Variants in TMEM232 observed in about 807,000 individuals in gnomAD.
The protein encoded by TMEM232 is transmembrane protein 232.
TMEM232 carries 80 observed loss-of-function variants against 78.8 expected under a neutral mutation model. The ratio of observed to expected loss-of-function variants is 1.01; its 90% CI spans 0.85 to 1.22. The LOEUF (loss-of-function observed/expected upper bound fraction) is 1.22. TMEM232 is among the 50% of genes most tolerant of loss of function. TMEM232 has a pLI of 0.00. For synonymous variants in TMEM232, 297 were observed against 254.3 expected (o/e 1.17, Z -1.60); for missense variants, 881 against 742.2 (o/e 1.19, Z -2.17).
At chr5:110,543,967 T>C (rs1773474408) in intron 11 of TMEM232, among the ~76,000 whole-genome samples, 2 of 152,216 alleles carry the variant, frequency 1.3e-5, no homozygotes, top group Admixed American at 6.5e-5. Flanking sequence ...AATTTGTCTA[T>C]ACTTCTTGAG....
At chr5:110,437,234 A>C (rs311727) in intron 12 of TMEM232, among the ~76,000 whole-genome samples, 48,021 of 151,732 alleles carry the variant, frequency 0.32, 13,378 homozygotes, top group African/African-American at 0.74. Context: ...TTATTGATAT[A>C]TTTTTCAGAT....
At chr5:110,570,178 A>T (rs1776776100) in intron 10 of TMEM232, among the ~76,000 whole-genome samples, 1 of 151,954 alleles carries the variant, frequency 6.6e-6, no homozygotes, top group Non-Finnish European at 1.5e-5. Context: ...GCAGCCAATT[A>T]TTTTTGAAAC....
At chr5:110,550,000 C>A (rs540131608) in intron 11 of TMEM232, among the ~76,000 whole-genome samples, 13 of 152,048 alleles carry the variant, frequency 8.5e-5, no homozygotes, top group Non-Finnish European at 1.6e-4. Context: ...TCATACAAAA[C>A]CTTAACAATA....
chr5:110,659,698 A>G (rs371860074), intron 2 of TMEM232, among the ~76,000 whole-genome samples: 3 of 152,318 alleles, frequency 2.0e-5, no homozygotes, highest in Admixed American at 6.5e-5. Context: ...ATGCTTAAAA[A>G]GATCTGCAGG....
chr5:110,485,671 C>T (rs867529927), intron 12 of TMEM232, among the ~76,000 whole-genome samples: 2 of 152,212 alleles, frequency 1.3e-5, no homozygotes, highest in South Asian at 2.1e-4. Flanking sequence ...AGTATTCCAT[C>T]GTATATTATA....
intron 8 of TMEM232, among the ~76,000 whole-genome samples, chr5:110,616,932 T>C (rs184861843): frequency 1.3e-5 from 2 of 152,302 alleles, no homozygotes; most frequent in East Asian, 1.9e-4. Flanking sequence ...TCTATGTACA[T>C]ATCCCAAAAA....
chr5:110,580,468 A>G (rs1350840860), intron 10 of TMEM232, among the ~76,000 whole-genome samples: 1 of 151,656 alleles, frequency 6.6e-6, no homozygotes. Context: ...GTGTAAGTAT[A>G]CTCTATTATG....
chr5:110,608,087 A>G (rs1172846907), intron 8 of TMEM232, among the ~76,000 whole-genome samples: 3 of 152,080 alleles, frequency 2.0e-5, no homozygotes, highest in African/African-American at 7.2e-5. Context: ...GCTTATGAAC[A>G]TGAACTTTAG....
chr5:110,505,493 T>C (rs1208909294), intron 12 of TMEM232, among the ~76,000 whole-genome samples: 4 of 152,094 alleles, frequency 2.6e-5, no homozygotes, highest in Non-Finnish European at 5.9e-5. Context: ...GAAATACACA[T>C]TGTTTTTCTT....
chr5:110,487,905 G>C (rs1414508814), intron 12 of TMEM232, among the ~76,000 whole-genome samples: 1 of 151,998 alleles, frequency 6.6e-6, no homozygotes, highest in Non-Finnish European at 1.5e-5. Context: ...TTGTGGAATA[G>C]TGTCAAAAGG....
intron 10 of TMEM232, among the ~76,000 whole-genome samples, chr5:110,587,049 A>G (rs901784414): frequency 1.3e-5 from 2 of 152,178 alleles, no homozygotes; most frequent in Non-Finnish European, 2.9e-5. Context: ...ATAAAGCAGT[A>G]TTAGACAAAT....
chr5:110,454,956 A>T (rs947976715), intron 12 of TMEM232, among the ~76,000 whole-genome samples: 1 of 152,114 alleles, frequency 6.6e-6, no homozygotes, highest in African/African-American at 2.4e-5. Context: ...ACCAACCAAA[A>T]ACAGGGAGAC....
intron 2 of TMEM232, among the ~76,000 whole-genome samples, chr5:110,404,069 A>G (rs888467427): frequency 4.0e-5 from 6 of 151,864 alleles, no homozygotes; most frequent in African/African-American, 1.5e-4. Context: ...TTTAATACCA[A>G]ACTTGCCACA....
At chr5:110,637,956 GT>G (rs1431844554) in intron 5 of TMEM232, among the ~76,000 whole-genome samples, 2 of 148,624 alleles carry the variant, frequency 1.3e-5, no homozygotes, top group Non-Finnish European at 2.9e-5. Flanking sequence ...GAAGTATATT[GT>G]TTTTTTAATG....
intron 10 of TMEM232, among the ~76,000 whole-genome samples, chr5:110,602,806 G>A (rs1781103961): frequency 2.6e-5 from 4 of 152,054 alleles, no homozygotes; most frequent in Admixed American, 1.3e-4. Context: ...TATACCCAAA[G>A]GATTATAAAT....
At chr5:110,456,517 A>G (rs1760919082) in intron 12 of TMEM232, among the ~76,000 whole-genome samples, 2 of 152,138 alleles carry the variant, frequency 1.3e-5, no homozygotes, top group East Asian at 1.9e-4. Flanking sequence ...ATCTTGAAGG[A>G]TTTTATATAG....
chr5:110,395,047 G>C (rs1362075120), intron 3 of TMEM232, among the ~76,000 whole-genome samples: 1 of 152,156 alleles, frequency 6.6e-6, no homozygotes, highest in African/African-American at 2.4e-5. Flanking sequence ...GTAATTCTAA[G>C]TGATCTTGTC....
intron 12 of TMEM232, among the ~76,000 whole-genome samples, chr5:110,490,776 CA>C (rs936536078): frequency 3.3e-5 from 5 of 151,994 alleles, no homozygotes; most frequent in Admixed American, 2.6e-4. Context: ...TATCCACTTA[CA>C]AAAAAATGAA....
chr5:110,713,205 T>G (rs1796675084), intron 1 of TMEM232, among the ~76,000 whole-genome samples: 1 of 151,622 alleles, frequency 6.6e-6, no homozygotes, highest in Non-Finnish European at 1.5e-5. Context: ...TTCAAAACAG[T>G]TGAACTCATG....
Sources: gnomAD v4.1 joint callset for allele counts (sites outside exome capture counted in the v4.1 genomes callset) on GRCh38, gnomAD v4.1.1 for gene constraint, MANE v1.5 for transcripts, NCBI Gene and HGNC (gene_info 2026-07-23, HGNC 2026-07-21) for gene names.